Variants in DNAH14 observed in about 807,000 individuals in gnomAD.
DNAH14 encodes dynein axonemal heavy chain 14.
In DNAH14, 478 loss-of-function variants were observed where a neutral mutation model predicts 520.9. That is an observed-to-expected ratio of 0.92 (90% CI 0.85 to 0.99). The LOEUF (loss-of-function observed/expected upper bound fraction) is 0.99, where lower values mean the gene tolerates loss of function less well. Among genes scored for constraint, DNAH14 ranks in the 50% least tolerant of loss-of-function variants. DNAH14 has a pLI of 0.00. For missense variants in DNAH14, 4,831 were observed against 5,234.5 expected (o/e 0.92, Z 2.38); for synonymous variants, 1,581 against 1,757.2 (o/e 0.90, Z 2.51).
intron 9 of DNAH14, among the ~76,000 whole-genome samples, chr1:225,006,212 C>T (rs924843169): frequency 5.5e-4 from 84 of 152,068 alleles, no homozygotes; most frequent in Non-Finnish European, 1.6e-4. Context: ...CTGTCATCTT[C>T]GTAAGCTGAG....
intron 31 of DNAH14, 78 bp downstream of exon 31, chr1:225,147,327 T>G: frequency 7.6e-7 from 1 of 1,319,668 alleles, no homozygotes; most frequent in Non-Finnish European, 9.5e-7. Flanking sequence ...TTGTTAAATA[T>G]TTTCCCCAAT....
At position 225,003,058 on chromosome 1, in the gene DNAH14, A is replaced by G. The variant is rs58253035; in HGVS notation, c.975+131A>G. On this transcript the variant is annotated intron_variant, in intron 9 of 85. Coordinates refer to ENST00000682510, the MANE Select transcript of DNAH14 (RefSeq NM_001367479.1). ...CATCTCTTTCGATTACTACCGTTCT[A>G]AAATATCTGCAAAGAATGTGAGTTC... The G allele has an allele frequency of 4.1e-3, 3,353 of 815,940 alleles. 83 individuals carry two copies. In the African/African-American group the frequency reaches 0.053, roughly 13 times the overall value. The allele number at this position is 815,940 out of a possible 1,614,324, so 50.5% of individuals were successfully genotyped here.
chr1:225,382,071 C>A (rs1473793789), intron 81 of DNAH14, among the ~76,000 whole-genome samples: 1 of 152,172 alleles, frequency 6.6e-6, no homozygotes, highest in Non-Finnish European at 1.5e-5. Flanking sequence ...CAGAAATGAA[C>A]TTCTCCCCTT....
intron 17 of DNAH14, among the ~76,000 whole-genome samples, chr1:225,063,267 G>C (rs1488688630): frequency 7.2e-5 from 11 of 152,092 alleles, no homozygotes; most frequent in Admixed American, 7.2e-4. Context: ...TCATGTATTT[G>C]CATATAACCT....
At position 225,273,075 on chromosome 1, in the gene DNAH14, A is replaced by C. The variant is rs1209191597; in HGVS notation, c.7960A>C (p.Lys2654Gln). ...CGATCGCTTAATTGATTTCACTGAT[A>C]AAAGCCTTTTCTATCGGTTGCTTTC... Reference protein sequence around the residue: ...FHDRLIDFTDKSLFYRLLSRE... With the variant: ...FHDRLIDFTDQSLFYRLLSRE... The change falls in exon 52 of 86, where the codon AAA becomes CAA. Residue 2654 changes from lysine (K) to glutamine (Q), a missense_variant. Transcript: ENST00000682510. 1.5e-5 allele frequency: 24 copies of C among 1,551,400 alleles called. No individual in the cohort carries two copies. Among genetic ancestry groups the C allele is most frequent in the Non-Finnish European group, 2.1e-5 (24 of 1,146,970 alleles).
In DNAH14 at chr1:225,208,010, G is replaced by A. The variant is rs563639671; in HGVS notation, c.6439+790G>A. 3.3e-5 allele frequency among the ~76,000 whole-genome samples: 5 copies of A among 152,272 alleles called. No individual in the cohort carries two copies. In the South Asian group the frequency reaches 8.3e-4, roughly 25 times the overall value. On this transcript the variant is annotated intron_variant, in intron 41 of 85. Coordinates refer to ENST00000682510, the MANE Select transcript of DNAH14 (RefSeq NM_001367479.1). ...GCAACAACAAAATGTCCTATTGGCA[G>A]GGAAGCCTAACTGGGTTAGGGAGTA...
chr1:225,308,036 CCAT>C (rs1371588787), intron 59 of DNAH14, among the ~76,000 whole-genome samples: 1 of 152,194 alleles, frequency 6.6e-6, no homozygotes, highest in African/African-American at 2.4e-5. Flanking sequence ...CGGAGAGCTA[CCAT>C]CAAGGATAGT....
At chr1:224,993,291 A>C (rs1292501425) in intron 8 of DNAH14, among the ~76,000 whole-genome samples, 1 of 151,974 alleles carries the variant, frequency 6.6e-6, no homozygotes, top group Non-Finnish European at 1.5e-5. Flanking sequence ...TAGTTCATAA[A>C]ATTTTTGGTA....
intron 41 of DNAH14, among the ~76,000 whole-genome samples, chr1:225,219,488 C>T (rs1223834571): frequency 6.6e-6 from 1 of 151,928 alleles, no homozygotes; most frequent in East Asian, 1.9e-4. Flanking sequence ...CACCACTGAT[C>T]CCACAGTAAT....
chr1:225,143,510 A>G (rs1342287833), intron 28 of DNAH14, among the ~76,000 whole-genome samples: 3 of 152,172 alleles, frequency 2.0e-5, no homozygotes, highest in East Asian at 1.9e-4. Context: ...ACAAGGATAT[A>G]CACACTACTA....
At chr1:225,353,145 A>G (rs967552080) in intron 72 of DNAH14, among the ~76,000 whole-genome samples, 32 of 152,168 alleles carry the variant, frequency 2.1e-4, no homozygotes, top group African/African-American at 7.5e-4. Context: ...CCTAATTTGT[A>G]TTTAAAGTTA....
In DNAH14 at chr1:224,994,850, G is replaced by A. The variant is rs542889266; in HGVS notation, c.831-7933G>A. ...GTCTAGTATAGATTTTTGCTTTGTG[G>A]TTACCATGAGGCTTACATAAAACAT... On this transcript the variant is annotated intron_variant, in intron 8 of 85. Transcript: ENST00000682510. 7.9e-5 allele frequency among the ~76,000 whole-genome samples: 12 copies of A among 151,964 alleles called. No homozygotes were observed. In the South Asian group the frequency reaches 2.5e-3, roughly 32 times the overall value.
intron 8 of DNAH14, among the ~76,000 whole-genome samples, chr1:224,999,603 T>A (rs947084715): frequency 7.2e-5 from 11 of 152,174 alleles, no homozygotes; most frequent in Non-Finnish European, 1.3e-4. Context: ...GGGCTTTAAG[T>A]TGTAAGCCAT....
Position 224,952,863 on chromosome 1 carries a change from T to G in DNAH14, c.77+84T>G, listed in dbSNP as rs923201214. 8.7e-6 allele frequency: 8 copies of G among 919,614 alleles called. No individual in the cohort carries two copies. The African/African-American group carries it at 1.4e-4, about 16-fold the overall frequency. 57.0% of individuals were successfully genotyped at this position (919,614 alleles called of 1,614,324 possible). On this transcript the variant is annotated intron_variant, in intron 2 of 85. Transcript: ENST00000682510. ...GGCTGGTGGTAAGCCATTCTGACAG[T>G]GAAAGACTTAAAATATCTTATCAGA...
intron 77 of DNAH14, among the ~76,000 whole-genome samples, chr1:225,371,964 A>G (rs1053890836): frequency 2.0e-5 from 3 of 152,190 alleles, no homozygotes; most frequent in Non-Finnish European, 4.4e-5. Flanking sequence ...AATTCCCACA[A>G]CAACATTATG....
intron 17 of DNAH14, among the ~76,000 whole-genome samples, chr1:225,062,679 A>C (rs766141961): frequency 3.3e-5 from 5 of 152,228 alleles, no homozygotes; most frequent in Non-Finnish European, 7.3e-5. Context: ...GAAATCACCA[A>C]GTTCTCACTG....
At chr1:225,020,701 G>A (rs538712622) in intron 10 of DNAH14, among the ~76,000 whole-genome samples, 1 of 151,926 alleles carries the variant, frequency 6.6e-6, no homozygotes, top group Non-Finnish European at 1.5e-5. Context: ...ACCAATAACA[G>A]CCTTGGACCA....
At chr1:225,344,400 T>C (rs1264282798) in intron 69 of DNAH14, among the ~76,000 whole-genome samples, 5 of 152,168 alleles carry the variant, frequency 3.3e-5, no homozygotes, top group African/African-American at 7.2e-5. Flanking sequence ...CTCTAATCGG[T>C]TCCTGTATCT....
At chr1:225,370,302 C>A (rs199661341) in intron 77 of DNAH14, among the ~76,000 whole-genome samples, 43 of 148,346 alleles carry the variant, frequency 2.9e-4, no homozygotes, top group Middle Eastern at 3.6e-3. Flanking sequence ...AACAAACAAA[C>A]AAAAAAAACA....
Sources: gnomAD v4.1 joint callset for allele counts (sites outside exome capture counted in the v4.1 genomes callset) on GRCh38, gnomAD v4.1.1 for gene constraint, MANE v1.5 for transcripts, NCBI Gene and HGNC (gene_info 2026-07-23, HGNC 2026-07-21) for gene names.